CREB3L3: variants seen among roughly 807,000 people sequenced by gnomAD.
CREB3L3 encodes the protein cAMP responsive element binding protein 3 like 3, also known as cyclic AMP-responsive element-binding protein 3-like protein 3.
In CREB3L3, 40 loss-of-function variants were observed where a neutral mutation model predicts 44.6. The ratio of observed to expected loss-of-function variants is 0.90; its 90% CI spans 0.70 to 1.17. The LOEUF is 1.17. Ranked by LOEUF, CREB3L3 falls within the 50% of genes most tolerant of loss-of-function variation. CREB3L3 has a pLI of 0.00. For missense variants in CREB3L3, 578 were observed against 595.8 expected, an observed-to-expected ratio of 0.97 and a Z score of 0.31; for synonymous variants, 273 against 256.3, an observed-to-expected ratio of 1.06 and a Z score of -0.62.
At chr19:4,165,804 G>A (rs1966892540) in intron 5 of CREB3L3, among the ~76,000 whole-genome samples, 1 of 152,058 alleles carries the variant, frequency 6.6e-6, no homozygotes, top group African/African-American at 2.4e-5. Flanking sequence ...TTGAACCCGG[G>A]AGGTGGAGGT....
chr19:4,171,005 T>C lies in CREB3L3; in HGVS notation c.891-86T>C. The C allele has an allele frequency of 1.1e-6, 1 of 940,640 alleles. No homozygotes were observed. The highest frequency in any genetic ancestry group is 2.4e-5 in the East Asian group (1 of 41,860). 58.3% of individuals were successfully genotyped at this position (940,640 alleles called of 1,614,324 possible). A position where few individuals can be genotyped will look rare whatever the true frequency, so the allele number is the denominator to read the frequency against. On this transcript the variant is annotated intron_variant, in intron 7 of 9. Transcript: ENST00000078445. The surrounding 1 kb of genome is among the most constrained non-coding windows in gnomAD (Gnocchi z 4.9). ...TGAAGAATGGATGGAATTTGGACTTTAGCGGGGCTGGGGGACCCCGGAAAT... is the reference window on the plus strand; with the variant it reads ...TGAAGAATGGATGGAATTTGGACTTCAGCGGGGCTGGGGGACCCCGGAAAT...
At chr19:4,159,841 A>G (rs752727924) in intron 4 of CREB3L3, 59 bp downstream of exon 4, 156 of 814,582 alleles carry the variant, frequency 1.9e-4, no homozygotes, top group Middle Eastern at 1.5e-3. Flanking sequence ...CTCGGGTTCG[A>G]GGAGCCTAAA....
intron 5 of CREB3L3, among the ~76,000 whole-genome samples, chr19:4,167,204 A>G (rs1194446905): frequency 6.6e-6 from 1 of 151,876 alleles, no homozygotes; most frequent in African/African-American, 2.4e-5. Flanking sequence ...TTAGCCAGGC[A>G]TGGTGTTGTG....
intron 4 of CREB3L3, among the ~76,000 whole-genome samples, chr19:4,163,861 G>C (rs1163913305): frequency 1.4e-5 from 2 of 144,034 alleles, no homozygotes; most frequent in East Asian, 4.2e-4. Flanking sequence ...CTGGAGTGCA[G>C]TGGTGTGATC....
At chr19:4,167,419 GAAAA>G (rs1966933459) in intron 5 of CREB3L3, among the ~76,000 whole-genome samples, 1 of 125,264 alleles carries the variant, frequency 8.0e-6, no homozygotes. Flanking sequence ...GGAAAAGAAA[GAAAA>G]GAAAGAAAGA....
Position 4,157,152 on chromosome 19 carries a change from G to A in CREB3L3, c.314G>A (p.Gly105Glu), listed in dbSNP as rs2041593465. The change falls in exon 3 of 10, where the codon GGA (glycine) becomes GAA (glutamate). Residue 105 changes from glycine to glutamate, a missense_variant. Gly to Glu is a moderately conservative substitution (Grantham distance 98). Transcript: ENST00000078445. The stretch of plus-strand genomic sequence containing the variant: ...CCCCAGGACACCCCTCCACGCAGCG[G>A]ACCAGCCACCTCCCCCGCCGGCTGC... ...SDPQDTPPRS[G>E]PATSPAGCHP... 1.9e-6 allele frequency: 3 copies of A among 1,613,710 alleles called. No homozygotes were observed. The highest frequency in any genetic ancestry group is 1.3e-5 in the African/African-American group (1 of 74,840).
intron 4 of CREB3L3, among the ~76,000 whole-genome samples, chr19:4,160,345 A>G (rs898114135): frequency 5.3e-5 from 8 of 151,898 alleles, no homozygotes; most frequent in African/African-American, 1.9e-4. Flanking sequence ...TGCACCTGCT[A>G]TATGCCAGGC....
At chr19:4,155,210 C>T (rs936554568) in intron 2 of CREB3L3, among the ~76,000 whole-genome samples, 183 bp downstream of exon 2, 2 of 152,180 alleles carry the variant, frequency 1.3e-5, no homozygotes, top group Non-Finnish European at 2.9e-5. Flanking sequence ...TCAGCTCCTT[C>T]TTACAGGTGG....
chr19:4,172,036 G>GAGGGTGAGGCCT lies in CREB3L3; in HGVS notation c.*67_*68insAGGGTGAGGCCT. 3.4e-6 allele frequency: 5 copies of GAGGGTGAGGCCT among 1,449,594 alleles called. No individual in the cohort carries two copies. The East Asian group carries it at 1.2e-4, about 36-fold the overall frequency. 89.8% of individuals were successfully genotyped at this position (1,449,594 alleles called of 1,614,324 possible). On this transcript the variant is annotated 3_prime_UTR_variant, in exon 10 of 10. Coordinates refer to ENST00000078445, the MANE Select transcript of CREB3L3 (RefSeq NM_032607.3). ...TGCCTTGGGGATGCTGCACTGGGCA[G>GAGGGTGAGGCCT]CTACCCACCTGGGGATGGGACGTGA...
intron 3 of CREB3L3, among the ~76,000 whole-genome samples, chr19:4,157,607 G>T (rs1161103146): frequency 6.6e-6 from 1 of 152,218 alleles, no homozygotes; most frequent in East Asian, 1.9e-4. Context: ...GTGCTGACAA[G>T]CACAGCCCAA....
intron 7 of CREB3L3, 139 bp downstream of exon 7, chr19:4,170,347 C>T (rs900440279): frequency 4.0e-5 from 33 of 817,708 alleles, no homozygotes; most frequent in Admixed American, 8.0e-5. Flanking sequence ...CAGTGGCTCA[C>T]GCCTGTAATC....
At chr19:4,160,693 T>G (rs964195495) in intron 4 of CREB3L3, among the ~76,000 whole-genome samples, 1 of 149,146 alleles carries the variant, frequency 6.7e-6, no homozygotes, top group African/African-American at 2.5e-5. Context: ...GTAGCTGAGA[T>G]TACAGGCATG....
intron 2 of CREB3L3, among the ~76,000 whole-genome samples, chr19:4,155,364 C>CTT (rs35228769): frequency 0.051 from 7,316 of 142,454 alleles, 665 homozygotes; most frequent in African/African-American, 0.18. Context: ...CTTTCTTCTT[C>CTT]TTTTTTTTTT....
At chr19:4,170,744 C>T (rs1161194339) in intron 7 of CREB3L3, among the ~76,000 whole-genome samples, 2 of 150,924 alleles carry the variant, frequency 1.3e-5, no homozygotes, top group Non-Finnish European at 1.5e-5. Flanking sequence ...CCCGTCTCTA[C>T]TAAAAATACA....
At chr19:4,170,843 G>A (rs533916549) in intron 7 of CREB3L3, among the ~76,000 whole-genome samples, 17 of 152,132 alleles carry the variant, frequency 1.1e-4, no homozygotes, top group African/African-American at 2.9e-4. Context: ...CCTGGGAGGC[G>A]GAGCTTGCAG....
At chr19:4,156,804 G>T (rs1370159295) in intron 2 of CREB3L3, among the ~76,000 whole-genome samples, 191 bp from the exon 3 acceptor site, 14 of 151,948 alleles carry the variant, frequency 9.2e-5, no homozygotes, top group Admixed American at 9.2e-4. Context: ...ACCTGGCACT[G>T]GCTGGGATTT....
chr19:4,170,511 C>T (rs2145143759), intron 7 of CREB3L3, among the ~76,000 whole-genome samples: 1 of 152,092 alleles, frequency 6.6e-6, no homozygotes. Context: ...ACTCGAGAGG[C>T]TGAGGCAGGA....
intron 4 of CREB3L3, among the ~76,000 whole-genome samples, chr19:4,163,351 A>AGAAG (rs1555703364): frequency 0.027 from 3,101 of 116,710 alleles, 94 homozygotes; most frequent in African/African-American, 0.08. Context: ...AAAGAAAGAA[A>AGAAG]GAAGGAAGGA....
chr19:4,163,351 A>AGAAAGAAAGGAAGAAAGAAAGAAAGAAG (rs535753131), intron 4 of CREB3L3, among the ~76,000 whole-genome samples: 1 of 117,198 alleles, frequency 8.5e-6, no homozygotes. Context: ...AAAGAAAGAA[A>AGAAAGAAAGGAAGAAAGAAAGAAAGAAG]GAAGGAAGGA....
Sources: gnomAD v4.1 joint callset for allele counts (sites outside exome capture counted in the v4.1 genomes callset) on GRCh38, gnomAD v4.1.1 for gene constraint, Gnocchi (gnomAD v3.1) non-coding constraint, MANE v1.5 for transcripts, NCBI Gene and HGNC (gene_info 2026-07-23, HGNC 2026-07-21) for gene names.